The following CYTH3 variants were observed in gnomAD, a reference collection of about 807,000 sequenced individuals.
CYTH3 encodes cytohesin-3.
CYTH3 carries 23 observed loss-of-function variants against 55.1 expected under a neutral mutation model. The observed-to-expected ratio is 0.42, with a 90% CI of 0.30 to 0.59. The LOEUF (loss-of-function observed/expected upper bound fraction) is 0.59. Ranked by LOEUF, CYTH3 falls within the 20% of genes least tolerant of loss-of-function variation. The probability of loss-of-function intolerance (pLI) is 0.20; values close to 1 mark genes in which losing one functional copy is unlikely to be tolerated. For missense variants in CYTH3, 413 were observed against 524.8 expected (o/e 0.79, Z 2.08); for synonymous variants, 249 against 194.9 (o/e 1.28, Z -2.31).
chr7:6,253,880 C>T (rs945173572), intron 1 of CYTH3, among the ~76,000 whole-genome samples: 1 of 151,732 alleles, frequency 6.6e-6, no homozygotes, highest in South Asian at 2.1e-4. Flanking sequence ...GTAATCCCAA[C>T]TACTCGGGAG....
intron 1 of CYTH3, among the ~76,000 whole-genome samples, chr7:6,260,239 C>T (rs767653479): frequency 1.3e-5 from 2 of 152,062 alleles, no homozygotes; most frequent in Non-Finnish European, 2.9e-5. Flanking sequence ...CTGACAAACC[C>T]GCTTTTTAAA....
At position 6,161,807 on chromosome 7, in the gene CYTH3, G is replaced by A. The variant is rs914445907; in HGVS notation, c.*3137C>T. On this transcript the variant is annotated 3_prime_UTR_variant, in exon 13 of 13. Coordinates refer to ENST00000350796, the MANE Select transcript of CYTH3 (RefSeq NM_004227.4). ...TAACAATACATGTGATTTTTATTTA[G>A]TGAACACAGTATCTGCAAGAGCTCT... The A allele has an allele frequency of 6.6e-6, 1 of 152,492 alleles. No homozygotes were observed. The highest frequency in any genetic ancestry group is 1.5e-5 in the Non-Finnish European group (1 of 68,034). The allele number at this position is 152,492 out of a possible 1,614,324, so 9.4% of individuals were successfully genotyped here. A position where few individuals can be genotyped will look rare whatever the true frequency, so the allele number is the denominator to read the frequency against.
chr7:6,237,485 G>A (rs1186002430), intron 1 of CYTH3, among the ~76,000 whole-genome samples: 1 of 152,156 alleles, frequency 6.6e-6, no homozygotes, highest in South Asian at 2.1e-4. Context: ...CGAGGCGGGC[G>A]GATCTCCAGG....
chr7:6,259,054 C>G (rs768195433), intron 1 of CYTH3, among the ~76,000 whole-genome samples: 2 of 152,170 alleles, frequency 1.3e-5, no homozygotes. Flanking sequence ...GCATGTGTTT[C>G]ATACGTATCT....
chr7:6,261,809 TAC>T (rs1780361201), intron 1 of CYTH3, among the ~76,000 whole-genome samples: 1 of 148,518 alleles, frequency 6.7e-6, no homozygotes, highest in Non-Finnish European at 1.5e-5. Context: ...ATTTTTCACA[TAC>T]ATTGTCCAGA....
At position 6,169,778 on chromosome 7, in the gene CYTH3, G is replaced by A. The variant is rs1783117747; in HGVS notation, c.823+757C>T. ...GCTGCTGGGTTAGTATGGGGTGGAG[G>A]GTGACGCCGCAGGGACAGGGCTGGC... is the stretch of plus-strand genomic sequence containing the variant. On this transcript the variant is annotated intron_variant, in intron 9 of 12. Coordinates refer to ENST00000350796, the MANE Select transcript of CYTH3 (RefSeq NM_004227.4). The surrounding 1 kb of genome is among the most constrained non-coding windows in gnomAD (Gnocchi z 4.1). Among the ~76,000 whole-genome samples the A allele has an allele frequency of 6.6e-6, 1 of 152,160 alleles. No individual in the cohort carries two copies. Among genetic ancestry groups the A allele is most frequent in the Non-Finnish European group, 1.5e-5 (1 of 68,030 alleles).
At chr7:6,235,085 T>A (rs1031433696) in intron 1 of CYTH3, among the ~76,000 whole-genome samples, 7 of 152,156 alleles carry the variant, frequency 4.6e-5, no homozygotes, top group African/African-American at 1.7e-4. Context: ...TCCTTTGCCA[T>A]GCGCATGTAT....
chr7:6,189,132 G>A (rs914468485), intron 2 of CYTH3, among the ~76,000 whole-genome samples: 1 of 152,072 alleles, frequency 6.6e-6, no homozygotes, highest in Non-Finnish European at 1.5e-5. Context: ...AGCCCCAAAC[G>A]GAAGGAGCCA....
At chr7:6,269,336 A>T (rs1362893947) in intron 1 of CYTH3, among the ~76,000 whole-genome samples, 1 of 152,222 alleles carries the variant, frequency 6.6e-6, no homozygotes, top group Non-Finnish European at 1.5e-5. Context: ...CACCTGTCTG[A>T]AGGTGAAAGG....
At chr7:6,172,817 C>A (rs147634806) in intron 6 of CYTH3, 1 of 1,282,572 alleles carries the variant, frequency 7.8e-7, no homozygotes, top group Admixed American at 2.3e-5. Context: ...TTATATGTTG[C>A]GAACTCTCAG....
At chr7:6,192,949 T>C (rs578245489) in intron 1 of CYTH3, among the ~76,000 whole-genome samples, 15 of 151,072 alleles carry the variant, frequency 9.9e-5, no homozygotes, top group Admixed American at 9.2e-4. Context: ...GACAGGTGGA[T>C]CACCTGAGGT....
intron 1 of CYTH3, among the ~76,000 whole-genome samples, chr7:6,213,153 C>T (rs1421831377): frequency 6.6e-6 from 1 of 152,192 alleles, no homozygotes; most frequent in Non-Finnish European, 1.5e-5. Context: ...CACCAAGAAC[C>T]GTGACTAGCA....
intron 4 of CYTH3, among the ~76,000 whole-genome samples, chr7:6,185,566 G>A (rs1415467160): frequency 2.0e-5 from 3 of 151,992 alleles, no homozygotes; most frequent in African/African-American, 7.3e-5. Flanking sequence ...CGGGCATGGT[G>A]GCAGGCACCT....
intron 1 of CYTH3, among the ~76,000 whole-genome samples, chr7:6,269,966 C>T (rs1780609531): frequency 1.3e-5 from 2 of 152,086 alleles, no homozygotes; most frequent in South Asian, 4.1e-4. Context: ...TAACTGACTC[C>T]CCCAGATACA....
intron 1 of CYTH3, among the ~76,000 whole-genome samples, chr7:6,251,696 T>C (rs1779975975): frequency 2.0e-5 from 3 of 152,232 alleles, no homozygotes; most frequent in South Asian, 4.1e-4. Flanking sequence ...AATATGTTTA[T>C]GACTGATGCC....
intron 1 of CYTH3, among the ~76,000 whole-genome samples, chr7:6,247,211 AC>A (rs1478628859): frequency 6.6e-6 from 1 of 152,202 alleles, no homozygotes; most frequent in Non-Finnish European, 1.5e-5. Context: ...CTTAGTTACA[AC>A]CTTTTTTCCC....
chr7:6,223,126 G>A (rs1163329371), intron 1 of CYTH3, among the ~76,000 whole-genome samples: 1 of 152,126 alleles, frequency 6.6e-6, no homozygotes. Flanking sequence ...CCTTCGTCTG[G>A]GAGGCGAGGA....
At chr7:6,236,768 G>T (rs1362118846) in intron 1 of CYTH3, among the ~76,000 whole-genome samples, 1 of 151,970 alleles carries the variant, frequency 6.6e-6, no homozygotes, top group Non-Finnish European at 1.5e-5. Context: ...TCACCATGTT[G>T]GCTAGGCTGG....
At chr7:6,196,753 G>A (rs1171421714) in intron 1 of CYTH3, among the ~76,000 whole-genome samples, 4 of 152,174 alleles carry the variant, frequency 2.6e-5, no homozygotes, top group East Asian at 1.9e-4. Flanking sequence ...GAGCCACCGC[G>A]CCCAGCCGCA....
Sources: gnomAD v4.1 joint callset for allele counts (sites outside exome capture counted in the v4.1 genomes callset) on GRCh38, gnomAD v4.1.1 for gene constraint, Gnocchi (gnomAD v3.1) non-coding constraint, MANE v1.5 for transcripts, NCBI Gene and HGNC (gene_info 2026-07-23, HGNC 2026-07-21) for gene names.